Variants in ARHGEF28 observed in about 807,000 individuals in gnomAD.
ARHGEF28 encodes Rho guanine nucleotide exchange factor 28, also known as 190 kDa guanine nucleotide exchange factor.
Under a neutral mutation model 206.6 loss-of-function variants are expected in ARHGEF28, and 152 were observed. That is an observed-to-expected ratio of 0.74 (90% CI 0.64 to 0.84). ARHGEF28 has a LOEUF of 0.84. ARHGEF28 is among the 40% of genes least tolerant of loss of function. ARHGEF28 has a pLI of 0.00. For missense variants in ARHGEF28, 2,028 were observed against 2,073.2 expected, an observed-to-expected ratio of 0.98 and a Z score of 0.42; for synonymous variants, 763 against 776.4, an observed-to-expected ratio of 0.98 and a Z score of 0.29.
intron 2 of ARHGEF28, among the ~76,000 whole-genome samples, chr5:73,702,006 C>T (rs1748634503): frequency 6.6e-6 from 1 of 152,082 alleles, no homozygotes; most frequent in African/African-American, 2.4e-5. Flanking sequence ...TGTGGATGTT[C>T]TTGGGATAAA....
chr5:73,941,121 GAAT>G lies in ARHGEF28; in HGVS notation c.*113_*115del, dbSNP rs1297164264. ...ATTGTCTGTGTCCAAATTGCTTTAAGAATAATATTTAATATTTCCTGGAAGCTC... is the reference window on the plus strand; with the variant it reads ...ATTGTCTGTGTCCAAATTGCTTTAAGAATATTTAATATTTCCTGGAAGCTC... On this transcript the variant is annotated 3_prime_UTR_variant, in exon 36 of 36. Coordinates refer to ENST00000513042, the MANE Select transcript of ARHGEF28 (RefSeq NM_001177693.2). 118 of 1,116,800 alleles carry G rather than the reference GAAT, an allele frequency of 1.1e-4. 1 individual carries two copies. The East Asian group carries it at 3.6e-3, about 35-fold the overall frequency. The allele number at this position is 1,116,800 out of a possible 1,614,324, so 69.2% of individuals were successfully genotyped here.
chr5:73,907,650 A>C (rs1762629600), intron 33 of ARHGEF28, among the ~76,000 whole-genome samples: 1 of 152,238 alleles, frequency 6.6e-6, no homozygotes, highest in Non-Finnish European at 1.5e-5. Flanking sequence ...AAGTAAAGTT[A>C]AGAGAGTGAA....
intron 1 of ARHGEF28, among the ~76,000 whole-genome samples, chr5:73,668,009 T>C (rs1191902464): frequency 6.6e-6 from 1 of 152,210 alleles, no homozygotes; most frequent in Non-Finnish European, 1.5e-5. Context: ...CCATTCATAT[T>C]TCTACCACAT....
intron 26 of ARHGEF28, 118 bp from the exon 27 acceptor site, chr5:73,891,934 A>G (rs1489192504): frequency 2.3e-6 from 2 of 884,246 alleles, no homozygotes; most frequent in Admixed American, 5.8e-5. Flanking sequence ...GCTCTTTTGA[A>G]AAGATTGGAA....
intron 11 of ARHGEF28, among the ~76,000 whole-genome samples, chr5:73,844,395 C>T (rs769685868): frequency 2.0e-4 from 30 of 152,218 alleles, no homozygotes; most frequent in South Asian, 2.1e-4. Context: ...AATCTCCTTC[C>T]GTCTCAGATT....
intron 1 of ARHGEF28, among the ~76,000 whole-genome samples, chr5:73,629,468 C>T (rs1743222911): frequency 6.7e-6 from 1 of 149,968 alleles, no homozygotes; most frequent in Non-Finnish European, 1.5e-5. Context: ...GATGGTGCCA[C>T]CACATTTCCA....
intron 10 of ARHGEF28, among the ~76,000 whole-genome samples, chr5:73,839,084 G>A (rs1261526107): frequency 1.3e-5 from 2 of 152,080 alleles, no homozygotes; most frequent in African/African-American, 4.8e-5. Flanking sequence ...CCTCATAATT[G>A]GATTCAGGTT....
intron 35 of ARHGEF28, chr5:73,923,302 T>A: frequency 1.3e-6 from 1 of 764,342 alleles, no homozygotes; most frequent in Non-Finnish European, 2.0e-6. Flanking sequence ...AATCAAATAC[T>A]AAATTTGTCT....
intron 4 of ARHGEF28, among the ~76,000 whole-genome samples, chr5:73,756,124 A>G (rs916538461): frequency 3.9e-5 from 6 of 152,194 alleles, no homozygotes; most frequent in African/African-American, 7.2e-5. Flanking sequence ...AATTTCTACA[A>G]TGAGGCATAG....
chr5:73,733,165 A>G (rs113408527), intron 2 of ARHGEF28, among the ~76,000 whole-genome samples: 2 of 152,232 alleles, frequency 1.3e-5, no homozygotes, highest in African/African-American at 4.8e-5. Context: ...CAAGTCCCCA[A>G]AGTCCATTGT....
chr5:73,801,314 G>A (rs905020950), intron 9 of ARHGEF28, among the ~76,000 whole-genome samples: 3 of 152,086 alleles, frequency 2.0e-5, no homozygotes, highest in African/African-American at 7.2e-5. Context: ...AGGCGTGGTG[G>A]TAGGCGCCTG....
intron 29 of ARHGEF28, among the ~76,000 whole-genome samples, chr5:73,895,730 C>A (rs1190337904): frequency 6.6e-6 from 1 of 152,196 alleles, no homozygotes; most frequent in African/African-American, 2.4e-5. Context: ...TATGTGTTGC[C>A]TCTGGCTACT....
chr5:73,742,640 A>G (rs922092196), intron 2 of ARHGEF28, among the ~76,000 whole-genome samples: 1 of 150,956 alleles, frequency 6.6e-6, no homozygotes, highest in Non-Finnish European at 1.5e-5. Context: ...CTGGCTAACA[A>G]GGTGAAACCC....
chr5:73,873,231 T>C lies in ARHGEF28; in HGVS notation c.2799T>C (p.Asp933=). 2 of 1,610,658 alleles carry C rather than the reference T, an allele frequency of 1.2e-6. No homozygotes were observed. The highest frequency in any genetic ancestry group is 1.1e-5 in the South Asian group (1 of 90,158). The part of the protein sequence containing the change: ...DRNFVIDRIG[D]ILVQQFSEEN... Reference sequence around the variant, plus strand: ...ATTTTGTGATCGACCGAATTGGAGATATTTTGGTACAACAGGTAAGAAGAG... The same window carrying C: ...ATTTTGTGATCGACCGAATTGGAGACATTTTGGTACAACAGGTAAGAAGAG... Residue 933 remains aspartate (D), a synonymous_variant, in exon 22 of 36, where the codon GAT becomes GAC. Transcript: ENST00000513042.
chr5:73,668,066 A>G (rs951358530), intron 1 of ARHGEF28, among the ~76,000 whole-genome samples: 3 of 152,208 alleles, frequency 2.0e-5, no homozygotes, highest in African/African-American at 7.2e-5. Context: ...TATGCTCTCC[A>G]TACGGCACTT....
At chr5:73,741,405 A>G (rs1189666562) in intron 2 of ARHGEF28, among the ~76,000 whole-genome samples, 80 of 14,486 alleles carry the variant, frequency 5.5e-3, no homozygotes, top group Admixed American at 0.019. Context: ...ATATATATAT[A>G]TATATATATA....
chr5:73,684,746 T>C (rs748090246), intron 1 of ARHGEF28, 95 bp from the exon 2 acceptor site: 50 of 1,022,340 alleles, frequency 4.9e-5, no homozygotes, highest in Non-Finnish European at 6.7e-5. Flanking sequence ...ATGAGTTTGC[T>C]TCTCCCTCCA....
intron 2 of ARHGEF28, among the ~76,000 whole-genome samples, chr5:73,703,962 T>C (rs1248429976): frequency 1.3e-5 from 2 of 151,312 alleles, no homozygotes. Context: ...AGGCAGAGGT[T>C]GCAGTGAGCC....
At chr5:73,819,902 TC>T (rs1490523782) in intron 9 of ARHGEF28, among the ~76,000 whole-genome samples, 1 of 152,222 alleles carries the variant, frequency 6.6e-6, no homozygotes, top group Non-Finnish European at 1.5e-5. Context: ...TTCTCTGAAT[TC>T]CCTTGGGGTT....
Sources: gnomAD v4.1 joint callset for allele counts (sites outside exome capture counted in the v4.1 genomes callset) on GRCh38, gnomAD v4.1.1 for gene constraint, MANE v1.5 for transcripts, NCBI Gene and HGNC (gene_info 2026-07-23, HGNC 2026-07-21) for gene names.